Variants in PTDSS2 observed in about 807,000 individuals in gnomAD.
PTDSS2 encodes the protein phosphatidylserine synthase 2.
Under a neutral mutation model 64.7 loss-of-function variants are expected in PTDSS2, and 41 were observed. That is an observed-to-expected ratio of 0.63 (90% CI 0.49 to 0.82). The LOEUF (loss-of-function observed/expected upper bound fraction) is 0.82. PTDSS2 is among the 40% of genes least tolerant of loss of function. PTDSS2 has a pLI of 0.00. For synonymous variants in PTDSS2, 297 were observed against 277.8 expected (o/e 1.07, Z -0.69); for missense variants, 485 against 650.0 (o/e 0.75, Z 2.76).
At chr11:465,762 C>A (rs1847113654) in intron 2 of PTDSS2, among the ~76,000 whole-genome samples, 1 of 151,076 alleles carries the variant, frequency 6.6e-6, no homozygotes, top group Admixed American at 6.6e-5. Context: ...CACCCCCCCC[C>A]CATCTCTACT....
Position 471,859 on chromosome 11 carries a change from T to C in PTDSS2, c.285-2036T>C, listed in dbSNP as rs867455124. On this transcript the variant is annotated intron_variant, in intron 2 of 11. Transcript: ENST00000308020. The stretch of plus-strand genomic sequence containing the variant: ...TGGTGGCCTGGGGTGACGCGGATGG[T>C]GGCCTGGGGTGACGCGCACCTGTCT... Among the ~76,000 whole-genome samples, 609 of 78,926 alleles carry C rather than the reference T, an allele frequency of 7.7e-3. 12 individuals carry two copies. Among genetic ancestry groups the C allele is most frequent in the African/African-American group, 0.028 (576 of 20,444 alleles). 51.8% of individuals were successfully genotyped at this position (78,926 alleles called of 152,430 possible).
intron 1 of PTDSS2, among the ~76,000 whole-genome samples, chr11:457,878 G>C (rs1846671850): frequency 6.6e-6 from 1 of 152,214 alleles, no homozygotes; most frequent in Admixed American, 6.5e-5. Context: ...CACCTGCAGT[G>C]CGTGAGCATC....
Position 460,159 on chromosome 11 carries a change from A to C in PTDSS2, c.183-28A>C. The C allele has an allele frequency of 6.3e-7, 1 of 1,584,246 alleles. No individual in the cohort carries two copies. On this transcript the variant is annotated intron_variant, in intron 1 of 11. Transcript: ENST00000308020. This position sits in a 1 kb window ranked among gnomAD's most constrained non-coding sequence, Gnocchi z 5.8. ...TTAGCAATGCTGCCCAAGCTCTGAC[A>C]CCATGCTTATGCGTTTTTGGATTTC...
Position 490,061 on chromosome 11 carries a change from T to C in PTDSS2, c.1294T>C (p.Phe432Leu), listed in dbSNP as rs1371337958. The C allele has an allele frequency of 2.5e-6, 4 of 1,606,216 alleles. No homozygotes were observed. The African/African-American group carries it at 4.0e-5, about 16-fold the overall frequency. Residue 432 changes from phenylalanine to leucine, a missense_variant, in exon 11 of 12, where the codon TTC becomes CTC. Physicochemically the swap from Phe to Leu is conservative, Grantham distance 22 (BLOSUM62 0). Transcript: ENST00000308020. Reference protein sequence around the residue: ...LALTWTVWRFFLRDITLRYKE... With the variant: ...LALTWTVWRFLLRDITLRYKE... ...GCTCACCTGGACCGTCTGGCGCTTC[T>C]TCCTGCGGTGAGTCAGGGCAGGGCG...
rs1013923514 is a variant in PTDSS2 at position 490,237 on chromosome 11, C to G, written c.1301+169C>G. 7.9e-5 allele frequency among the ~76,000 whole-genome samples: 12 copies of G among 152,334 alleles called. No homozygotes were observed. The East Asian group carries it at 2.3e-3, about 29-fold the overall frequency. On this transcript the variant is annotated intron_variant, in intron 11 of 11. Coordinates refer to ENST00000308020, the MANE Select transcript of PTDSS2 (RefSeq NM_030783.3). ...TGACCCAGCCCTCGGGGCCTTCGCT[C>G]TGCACTGACAGATCCAGGCTCCTCA...
At chr11:459,136 A>G (rs530514295) in intron 1 of PTDSS2, 81 of 112,846 alleles carry the variant, frequency 7.2e-4, no homozygotes, top group African/African-American at 2.8e-3. Flanking sequence ...AGACGTGAGG[A>G]CACACTCCGG....
intron 4 of PTDSS2, among the ~76,000 whole-genome samples, chr11:482,166 G>A (rs7117853): frequency 0.21 from 31,858 of 150,096 alleles, 3,565 homozygotes; most frequent in African/African-American, 0.29. Flanking sequence ...ACTTCTTTGC[G>A]TAGCTGCCCT....
At position 479,029 on chromosome 11, in the gene PTDSS2, C is replaced by CGGG; in HGVS notation, c.368-54_368-52dup. The CGGG allele has an allele frequency of 6.8e-7, 1 of 1,469,290 alleles. No homozygotes were observed. The highest frequency in any genetic ancestry group is 2.3e-5 in the East Asian group (1 of 44,186). The allele number at this position is 1,469,290 out of a possible 1,614,324, so 91.0% of individuals were successfully genotyped here. On this transcript the variant is annotated intron_variant, in intron 3 of 11. Coordinates refer to ENST00000308020, the MANE Select transcript of PTDSS2 (RefSeq NM_030783.3). The surrounding 1 kb of genome is among the most constrained non-coding windows in gnomAD (Gnocchi z 4.2). ...AGCCAGGAGCCGGCCTGGGGCTGAG[C>CGGG]GGGGCCGTGGAGGCCTGGACCGGGC...
At chr11:450,133 G>A (rs1846247013), upstream of PTDSS2, 2 of 257,544 alleles carry the variant, frequency 7.8e-6, no homozygotes, top group Admixed American at 5.5e-5. Flanking sequence ...CGCGCCATCC[G>A]CAGCTTGGTT....
Position 490,623 on chromosome 11 carries a change from C to T in PTDSS2, c.*41C>T. ...CCTCGTGAGCCTCCCAGAGCCCAGG[C>T]CTCCGTGGCCTCCTCCTGTGTGAGT... On this transcript the variant is annotated 3_prime_UTR_variant, in exon 12 of 12. Coordinates refer to ENST00000308020, the MANE Select transcript of PTDSS2 (RefSeq NM_030783.3). 6.6e-7 allele frequency: 1 copy of T among 1,526,354 alleles called. No homozygotes were observed. The highest frequency in any genetic ancestry group is 8.8e-7 in the Non-Finnish European group (1 of 1,132,156). The allele number at this position is 1,526,354 out of a possible 1,614,324, so 94.6% of individuals were successfully genotyped here. A position where few individuals can be genotyped will look rare whatever the true frequency, so the allele number is the denominator to read the frequency against.
chr11:486,716 C>T (rs959610882), intron 4 of PTDSS2, among the ~76,000 whole-genome samples: 10 of 152,118 alleles, frequency 6.6e-5, no homozygotes, highest in South Asian at 2.1e-4. Context: ...GGCGTGGTGG[C>T]GGGCGCCTGT....
intron 1 of PTDSS2, chr11:451,395 G>C (rs1397322031): frequency 4.5e-6 from 2 of 449,090 alleles, no homozygotes; most frequent in African/African-American, 2.0e-5. Flanking sequence ...CTGCGACCCT[G>C]GGCTGGCCCT....
rs1410296564 is a variant in PTDSS2 at position 456,190 on chromosome 11, T to G, written c.183-3997T>G. Among the ~76,000 whole-genome samples the G allele has an allele frequency of 3.6e-3, 519 of 144,612 alleles. 3 individuals are homozygous for G. The highest frequency in any genetic ancestry group is 4.1e-3 in the Non-Finnish European group (268 of 64,926). 94.9% of individuals were successfully genotyped at this position (144,612 alleles called of 152,430 possible). A position where few individuals can be genotyped will look rare whatever the true frequency, so the allele number is the denominator to read the frequency against. On this transcript the variant is annotated intron_variant, in intron 1 of 11. Transcript: ENST00000308020. ...TCATTCTTTTTTTTTTTTTTTTTTT[T>G]GAGACAGAATCTCACTCTGTCACCC...
At position 470,905 on chromosome 11, in the gene PTDSS2, G is replaced by C. The variant is rs994562041; in HGVS notation, c.285-2990G>C. On this transcript the variant is annotated intron_variant, in intron 2 of 11. Transcript: ENST00000308020. This position sits in a 1 kb window ranked among gnomAD's most constrained non-coding sequence, Gnocchi z 5.3. Reference sequence around the variant, plus strand: ...ACCCAGCCAGCACCGGCTTATTAATGGTGAGATGTTAATGGGAAAACTGGG... The same window carrying C: ...ACCCAGCCAGCACCGGCTTATTAATCGTGAGATGTTAATGGGAAAACTGGG... 2.0e-5 allele frequency among the ~76,000 whole-genome samples: 3 copies of C among 152,076 alleles called. No individual in the cohort carries two copies. The East Asian group carries it at 5.8e-4, about 29-fold the overall frequency.
rs1718749346 is a variant in PTDSS2, at chr11:490,781, T to TGTGTATGCGTGTGTGTAC, written c.*201_*218dup. 2.4e-5 allele frequency: 14 copies of TGTGTATGCGTGTGTGTAC among 588,152 alleles called. No individual in the cohort carries two copies. The highest frequency in any genetic ancestry group is 4.2e-5 in the Non-Finnish European group (14 of 334,156). The allele number at this position is 588,152 out of a possible 1,614,324, so 36.4% of individuals were successfully genotyped here. ...ATCTCCATGTGTACACGTGTGTACG[T>TGTGTATGCGTGTGTGTAC]GTGTATGCGTGTGTGTACGCGTGTG... is the stretch of plus-strand genomic sequence containing the variant. On this transcript the variant is annotated 3_prime_UTR_variant, in exon 12 of 12. Coordinates refer to ENST00000308020, the MANE Select transcript of PTDSS2 (RefSeq NM_030783.3).
At chr11:453,038 T>C (rs539579008) in intron 1 of PTDSS2, among the ~76,000 whole-genome samples, 1 of 152,106 alleles carries the variant, frequency 6.6e-6, no homozygotes, top group Non-Finnish European at 1.5e-5. Flanking sequence ...GCCAGGGCGT[T>C]CATTTTCAAG....
chr11:459,067 T>TG, intron 1 of PTDSS2: 1 of 146,354 alleles, frequency 6.8e-6, no homozygotes, highest in African/African-American at 2.6e-5. Flanking sequence ...CACACTCCGG[T>TG]GAATGTAGGA....
At position 487,081 on chromosome 11, in the gene PTDSS2, G is replaced by A. The variant is rs112810087; in HGVS notation, c.570+8G>A. ...CCCTTTCACAACATCTGGGTAAGAC[G>A]CCGGGGGCCCTGAGGCGAGCCCCTC... On this transcript the variant is annotated splice_region_variant and intron_variant, in intron 5 of 11. Coordinates refer to ENST00000308020, the MANE Select transcript of PTDSS2 (RefSeq NM_030783.3). 2.5e-5 allele frequency: 41 copies of A among 1,610,248 alleles called. No individual in the cohort carries two copies. The highest frequency in any genetic ancestry group is 2.9e-5 in the Non-Finnish European group (34 of 1,178,380).
rs201984267 is a variant in PTDSS2 at position 487,405 on chromosome 11, C to T, written c.571-15C>T. On this transcript the variant is annotated splice_polypyrimidine_tract_variant and intron_variant, in intron 5 of 11. Transcript: ENST00000308020. ...CTGTGCCCCAGGGTCAAGGGTCATA[C>T]CCTGTCGCCCACAGGACAAGTTGGA... 1,900 of 1,613,494 alleles carry T rather than the reference C, an allele frequency of 1.2e-3. 2 individuals carry two copies. Among genetic ancestry groups the T allele is most frequent in the Non-Finnish European group, 1.4e-3 (1,616 of 1,179,574 alleles).
Sources: allele counts gnomAD v4.1 joint callset (sites outside exome capture counted in the v4.1 genomes callset), GRCh38; gene constraint gnomAD v4.1.1; non-coding constraint Gnocchi (gnomAD v3.1); transcripts MANE v1.5; gene names NCBI Gene and HGNC (gene_info 2026-07-23, HGNC 2026-07-21).